PI4KA: variants seen among roughly 807,000 people sequenced by gnomAD.
PI4KA encodes the protein PI4-kinase alpha.
In PI4KA, 122 loss-of-function variants were observed where a neutral mutation model predicts 271.4. The ratio of observed to expected loss-of-function variants is 0.45; its 90% CI spans 0.39 to 0.52. The LOEUF (loss-of-function observed/expected upper bound fraction) is 0.52. PI4KA is among the 20% of genes least tolerant of loss of function. The probability of loss-of-function intolerance (pLI) is 0.00; values close to 1 mark genes in which losing one functional copy is unlikely to be tolerated. For synonymous variants in PI4KA, 1,041 were observed against 1,078.8 expected (o/e 0.96, Z 0.69); for missense variants, 1,969 against 2,769.1 (o/e 0.71, Z 6.48).
chr22:20,780,247 A>G (rs1569024619), intron 19 of PI4KA: 3 of 1,613,552 alleles, frequency 1.9e-6, no homozygotes, highest in Non-Finnish European at 2.5e-6. Flanking sequence ...ACAACATACT[A>G]TTTTTGTATG....
intron 7 of PI4KA, among the ~76,000 whole-genome samples, 181 bp from the exon 8 acceptor site, chr22:20,813,687 C>T (rs1921368706): frequency 6.6e-6 from 1 of 152,166 alleles, no homozygotes; most frequent in Non-Finnish European, 1.5e-5. Flanking sequence ...GACTGATGCC[C>T]CTCACCTGTG....
At chr22:20,785,789 C>T (rs1384195498) in intron 19 of PI4KA, among the ~76,000 whole-genome samples, 1 of 152,190 alleles carries the variant, frequency 6.6e-6, no homozygotes, top group Non-Finnish European at 1.5e-5. Context: ...AGGAAATAAT[C>T]ATGCAACAGA....
At chr22:20,829,343 T>C (rs1007754631) in intron 3 of PI4KA, among the ~76,000 whole-genome samples, 1 of 152,156 alleles carries the variant, frequency 6.6e-6, no homozygotes, top group East Asian at 1.9e-4. Context: ...ACTTGTTATT[T>C]GTCTGTTCAG....
At chr22:20,786,423 T>C (rs1277038949) in intron 19 of PI4KA, among the ~76,000 whole-genome samples, 1 of 152,142 alleles carries the variant, frequency 6.6e-6, no homozygotes, top group Non-Finnish European at 1.5e-5. Context: ...AGGGGAGACA[T>C]GTGCTGCGGT....
chr22:20,857,704 A>G (rs1398660478), intron 1 of PI4KA, among the ~76,000 whole-genome samples: 1 of 152,148 alleles, frequency 6.6e-6, no homozygotes, highest in African/African-American at 2.4e-5. Context: ...CTCAAGAACA[A>G]CCTCATTTTA....
intron 19 of PI4KA, chr22:20,787,056 G>C (rs776312095): frequency 6.2e-7 from 1 of 1,614,140 alleles, no homozygotes; most frequent in Non-Finnish European, 8.5e-7. Context: ...GCCAACCCCA[G>C]CAGGTCCTAG....
intron 23 of PI4KA, among the ~76,000 whole-genome samples, chr22:20,754,436 G>T (rs1273095361): frequency 6.6e-6 from 1 of 152,150 alleles, no homozygotes; most frequent in African/African-American, 2.4e-5. Context: ...CCCACACTCA[G>T]AGCCAAGGAA....
At chr22:20,742,453 A>T in intron 31 of PI4KA, 98 bp from the exon 32 acceptor site, 1 of 1,559,882 alleles carries the variant, frequency 6.4e-7, no homozygotes, top group Non-Finnish European at 8.7e-7. Flanking sequence ...GGGGCCAGTG[A>T]TGGCCTTTTA....
At chr22:20,827,271 A>C (rs934820775) in intron 3 of PI4KA, among the ~76,000 whole-genome samples, 7 of 152,182 alleles carry the variant, frequency 4.6e-5, no homozygotes, top group African/African-American at 1.7e-4. Flanking sequence ...TTCCGAATAT[A>C]GCTAGCCAGT....
rs541716120 is a variant in PI4KA, at chr22:20,727,828, G to C, written c.4719C>G (p.Thr1573=). The C allele has an allele frequency of 6.2e-7, 1 of 1,614,080 alleles. No individual in the cohort carries two copies. The highest frequency in any genetic ancestry group is 1.3e-5 in the African/African-American group (1 of 75,038). ...CTCCCGGGTCCAACCGAACGAGACGGGTCACTTCGTTCCCAATGGCTTCTG... is the reference window on the plus strand; with the variant it reads ...CTCCCGGGTCCAACCGAACGAGACGCGTCACTTCGTTCCCAATGGCTTCTG... ...KNTEAIGNEV[T]RLVRLDPGAV... is the part of the protein sequence containing the mutation. The change falls in exon 40 of 55, where the codon ACC becomes ACG. Residue 1573 remains threonine, a synonymous_variant. Coordinates refer to ENST00000255882, the MANE Select transcript of PI4KA (RefSeq NM_058004.4).
intron 45 of PI4KA, among the ~76,000 whole-genome samples, 182 bp downstream of exon 45, chr22:20,717,526 G>A (rs555360747): frequency 6.6e-5 from 10 of 152,386 alleles, no homozygotes; most frequent in African/African-American, 2.2e-4. Flanking sequence ...GCTCACTAGC[G>A]GCAGATTCTG....
intron 1 of PI4KA, among the ~76,000 whole-genome samples, chr22:20,846,660 T>C (rs1459087204): frequency 6.6e-6 from 1 of 150,578 alleles, no homozygotes; most frequent in Non-Finnish European, 1.5e-5. Context: ...CTGGTCAATA[T>C]GGTGAAACCC....
intron 38 of PI4KA, 54 bp from the exon 39 acceptor site, chr22:20,729,560 C>T: frequency 1.9e-6 from 3 of 1,551,130 alleles, no homozygotes; most frequent in Non-Finnish European, 2.6e-6. Flanking sequence ...AGTGCCCACA[C>T]ACTGCCCCGG....
At chr22:20,773,299 A>AT (rs361707) in intron 19 of PI4KA, among the ~76,000 whole-genome samples, 73,983 of 151,800 alleles carry the variant, frequency 0.49, 18,527 homozygotes, top group African/African-American at 0.59. Context: ...AGGCAGGAGA[A>AT]CGCTTGAACT....
chr22:20,745,301 C>T (rs1225187395), intron 29 of PI4KA, among the ~76,000 whole-genome samples: 1 of 152,214 alleles, frequency 6.6e-6, no homozygotes, highest in East Asian at 1.9e-4. Context: ...GCCCCAGGGC[C>T]TCAGTGACCT....
intron 22 of PI4KA, among the ~76,000 whole-genome samples, chr22:20,761,862 GGTCT>G (rs1439233945): frequency 6.6e-6 from 1 of 151,862 alleles, no homozygotes; most frequent in Non-Finnish European, 1.5e-5. Flanking sequence ...GTTTCCTAAA[GGTCT>G]GTCTTTGCAT....
At chr22:20,857,922 G>A (rs1927807807) in intron 1 of PI4KA, among the ~76,000 whole-genome samples, 1 of 152,130 alleles carries the variant, frequency 6.6e-6, no homozygotes, top group African/African-American at 2.4e-5. Flanking sequence ...GCAATTCCAA[G>A]TTCACTTCTC....
At chr22:20,751,526 C>T (rs1443450195) in intron 26 of PI4KA, 148 bp downstream of exon 26, 3 of 916,010 alleles carry the variant, frequency 3.3e-6, no homozygotes, top group Non-Finnish European at 5.2e-6. Flanking sequence ...TGGATTTGGG[C>T]CCCCTCACCC....
At chr22:20,730,069 A>C in intron 36 of PI4KA, 58 bp from the exon 37 acceptor site, 1 of 1,594,122 alleles carries the variant, frequency 6.3e-7, no homozygotes, top group Non-Finnish European at 8.6e-7. Flanking sequence ...AGGTACCACA[A>C]AAAATAAACT....
Sources: gnomAD v4.1 joint callset for allele counts (sites outside exome capture counted in the v4.1 genomes callset) on GRCh38, gnomAD v4.1.1 for gene constraint, MANE v1.5 for transcripts, NCBI Gene and HGNC (gene_info 2026-07-23, HGNC 2026-07-21) for gene names.